PDCD6: variants seen among roughly 807,000 people sequenced by gnomAD.
PDCD6 encodes the protein programmed cell death 6.
PDCD6 carries 12 observed loss-of-function variants against 28.3 expected under a neutral mutation model. That is an observed-to-expected ratio of 0.42 (90% confidence interval 0.27 to 0.69). PDCD6 has a LOEUF of 0.69. Ranked by LOEUF, PDCD6 falls within the 30% of genes least tolerant of loss-of-function variation. The pLI is 0.22. For synonymous variants in PDCD6, 92 were observed against 108.0 expected (o/e 0.85, Z 0.92); for missense variants, 226 against 269.9 (o/e 0.84, Z 1.14).
At chr5:301,278 G>A (rs2126749467) in intron 2 of PDCD6, among the ~76,000 whole-genome samples, 2 of 152,292 alleles carry the variant, frequency 1.3e-5, no homozygotes, top group East Asian at 3.9e-4. Flanking sequence ...GTCAGCGCTG[G>A]GTCAGAGCAG....
In PDCD6 at chr5:290,072, C is replaced by T. The variant is rs1579506371; in HGVS notation, c.164-14105C>T. The stretch of plus-strand genomic sequence containing the variant: ...CCAGTGACAATTCTCAGTATTCTTT[C>T]CTTCATTTCATCAAAGGGAATATAT... On this transcript the variant is annotated intron_variant, in intron 2 of 5. Transcript: ENST00000264933. 1.9e-6 allele frequency: 3 copies of T among 1,582,226 alleles called. No individual in the cohort carries two copies. In the African/African-American group the frequency reaches 4.1e-5, roughly 21 times the overall value.
chr5:272,919 T>C (rs1223376809), intron 2 of PDCD6, 147 bp downstream of exon 2: 1 of 1,368,598 alleles, frequency 7.3e-7, no homozygotes, highest in East Asian at 2.5e-5. Context: ...TGGAGATGCT[T>C]CTGGTTTATT....
In PDCD6 at chr5:304,370, C is replaced by T. The variant is rs1240059545; in HGVS notation, c.208+149C>T. 6.4e-6 allele frequency: 8 copies of T among 1,257,756 alleles called. No individual in the cohort carries two copies. In the African/African-American group the frequency reaches 1.2e-4, roughly 18 times the overall value. The allele number at this position is 1,257,756 out of a possible 1,614,324, so 77.9% of individuals were successfully genotyped here. The stretch of plus-strand genomic sequence containing the variant: ...AGCGTCGGCCCTTTCATCCCTCTCC[C>T]TCCGTCTCTGTACCTTTTCACATCT... On this transcript the variant is annotated intron_variant, in intron 3 of 5. Coordinates refer to ENST00000264933, the MANE Select transcript of PDCD6 (RefSeq NM_013232.4).
At chr5:277,912 CAAAA>C (rs529926870) in intron 2 of PDCD6, among the ~76,000 whole-genome samples, 5 of 111,068 alleles carry the variant, frequency 4.5e-5, no homozygotes, top group Non-Finnish European at 5.3e-5. Context: ...GACTCCATCT[CAAAA>C]AAAAAAAAAA....
At chr5:274,373 A>C (rs966664033) in intron 2 of PDCD6, among the ~76,000 whole-genome samples, 2 of 152,260 alleles carry the variant, frequency 1.3e-5, no homozygotes, top group Non-Finnish European at 2.9e-5. Context: ...GGACCGCATT[A>C]GTATGGTAGC....
intron 2 of PDCD6, among the ~76,000 whole-genome samples, chr5:299,929 C>G (rs558178701): frequency 2.6e-4 from 40 of 152,064 alleles, no homozygotes; most frequent in African/African-American, 9.7e-4. Context: ...TGAGAAAAAT[C>G]AGACCTCAGA....
At chr5:278,546 C>CAA (rs567758415) in intron 2 of PDCD6, among the ~76,000 whole-genome samples, 1 of 124,778 alleles carries the variant, frequency 8.0e-6, no homozygotes, top group African/African-American at 2.9e-5. Flanking sequence ...CTGTCTCTCC[C>CAA]AAAAAAAAAA....
Position 285,380 on chromosome 5 carries a change from C to T in PDCD6, c.163+12608C>T, listed in dbSNP as rs574720029. On this transcript the variant is annotated intron_variant, in intron 2 of 5. Coordinates refer to ENST00000264933, the MANE Select transcript of PDCD6 (RefSeq NM_013232.4). Reference sequence around the variant, plus strand: ...GGGCTGTGCGCCTGGAGCCCTGGGGCGGAGCTGATATTCCAGTTTGAGGGC... The same window carrying T: ...GGGCTGTGCGCCTGGAGCCCTGGGGTGGAGCTGATATTCCAGTTTGAGGGC... Among the ~76,000 whole-genome samples, 342 of 130,264 alleles carry T rather than the reference C, an allele frequency of 2.6e-3. 2 individuals carry two copies. Among genetic ancestry groups the T allele is most frequent in the Middle Eastern group, 5.7e-3 (1 of 174 alleles). The allele number at this position is 130,264 out of a possible 152,430, so 85.5% of individuals were successfully genotyped here. A position where few individuals can be genotyped will look rare whatever the true frequency, so the allele number is the denominator to read the frequency against.
intron 2 of PDCD6, among the ~76,000 whole-genome samples, chr5:277,307 T>G (rs1163967238): frequency 0.013 from 1,888 of 143,930 alleles, 23 homozygotes; most frequent in Non-Finnish European, 0.019. Context: ...TTGTATTTTT[T>G]TTTTTTTTTT....
rs559104758 is a variant in PDCD6, at chr5:284,759, C to A, written c.163+11987C>A. Among the ~76,000 whole-genome samples the A allele has an allele frequency of 1.1e-3, 158 of 150,060 alleles. 1 individual carries two copies. Among genetic ancestry groups the A allele is most frequent in the Non-Finnish European group, 2.1e-3 (142 of 67,650 alleles). On this transcript the variant is annotated intron_variant, in intron 2 of 5. Transcript: ENST00000264933. Reference sequence around the variant, plus strand: ...GTGCAGCTGGAGACACCGCGGGGAGCTCATGTTCCAGTTTGAGGGCCGGGG... The same window carrying A: ...GTGCAGCTGGAGACACCGCGGGGAGATCATGTTCCAGTTTGAGGGCCGGGG...
intron 2 of PDCD6, among the ~76,000 whole-genome samples, chr5:298,910 G>GC (rs1244972620): frequency 2.6e-5 from 1 of 37,846 alleles, no homozygotes; most frequent in African/African-American, 1.2e-4. Flanking sequence ...TCACCCAGCT[G>GC]TTCCCCCCAG....
intron 2 of PDCD6, among the ~76,000 whole-genome samples, chr5:291,936 A>G (rs1282299258): frequency 6.6e-6 from 1 of 152,240 alleles, no homozygotes; most frequent in African/African-American, 2.4e-5. Flanking sequence ...CATCCCAGGT[A>G]AGAAATGTAA....
At position 311,250 on chromosome 5, in the gene PDCD6, C is replaced by T. The variant is rs192286129; in HGVS notation, c.368-43C>T. The T allele has an allele frequency of 9.3e-5, 136 of 1,464,574 alleles. 1 individual carries two copies. The Middle Eastern group carries it at 2.8e-3, about 30-fold the overall frequency. 90.7% of individuals were successfully genotyped at this position (1,464,574 alleles called of 1,614,324 possible). A position where few individuals can be genotyped will look rare whatever the true frequency, so the allele number is the denominator to read the frequency against. The stretch of plus-strand genomic sequence containing the variant: ...GGGGTGAGTGTTGGCACATACCTCC[C>T]GTCTCTCCCAGCCTTCTCTGACTCT... On this transcript the variant is annotated intron_variant, in intron 4 of 5. Transcript: ENST00000264933.
intron 2 of PDCD6, among the ~76,000 whole-genome samples, chr5:274,038 C>T (rs1373782311): frequency 6.6e-6 from 1 of 151,606 alleles, no homozygotes; most frequent in Non-Finnish European, 1.5e-5. Context: ...CAGTAGGCTA[C>T]AATTTGGCAA....
rs560615114 is a variant in PDCD6 at position 275,327 on chromosome 5, C to T, written c.163+2555C>T. On this transcript the variant is annotated intron_variant, in intron 2 of 5. Coordinates refer to ENST00000264933, the MANE Select transcript of PDCD6 (RefSeq NM_013232.4). The stretch of plus-strand genomic sequence containing the variant: ...CCCCATGAAGCCCGTAGTCACTGTT[C>T]ACCCTGAGAGACGCTGGCTTTCGGG... Among the ~76,000 whole-genome samples the T allele has an allele frequency of 7.2e-4, 110 of 152,348 alleles. 1 individual carries two copies. Among genetic ancestry groups the T allele is most frequent in the African/African-American group, 2.5e-3 (104 of 41,582 alleles).
At chr5:313,092 C>T (rs1183858126) in intron 5 of PDCD6, among the ~76,000 whole-genome samples, 8 of 152,210 alleles carry the variant, frequency 5.3e-5, no homozygotes, top group Non-Finnish European at 5.9e-5. Context: ...AGGCCCTGCT[C>T]CAGACCACGT....
chr5:292,588 A>G (rs1739378146), intron 2 of PDCD6, among the ~76,000 whole-genome samples: 2 of 152,176 alleles, frequency 1.3e-5, no homozygotes, highest in South Asian at 4.1e-4. Context: ...AGGACTCTTT[A>G]TACCTGTTCA....
chr5:312,365 G>T (rs1740978694), intron 5 of PDCD6: 1 of 152,270 alleles, frequency 6.6e-6, no homozygotes, highest in Non-Finnish European at 1.5e-5. Context: ...TTGGAATTCA[G>T]TGAGAGATAG....
intron 4 of PDCD6, 118 bp from the exon 5 acceptor site, chr5:311,175 C>T: frequency 1.3e-6 from 1 of 752,934 alleles, no homozygotes; most frequent in Non-Finnish European, 2.3e-6. Context: ...ACTTCCGTTC[C>T]CACACAGCCT....
Sources: allele counts gnomAD v4.1 joint callset (sites outside exome capture counted in the v4.1 genomes callset), GRCh38; gene constraint gnomAD v4.1.1; transcripts MANE v1.5; gene names NCBI Gene and HGNC (gene_info 2026-07-23, HGNC 2026-07-21).